FUT9: variants seen among roughly 807,000 people sequenced by gnomAD.
FUT9 encodes fucosyltransferase 9.
In FUT9, 15 loss-of-function variants were observed where a neutral mutation model predicts 29.7. That is an observed-to-expected ratio of 0.51 (90% CI 0.34 to 0.78). The LOEUF (loss-of-function observed/expected upper bound fraction) is 0.78. Ranked by LOEUF, FUT9 falls within the 30% of genes least tolerant of loss-of-function variation. The pLI is 0.01. For synonymous variants in FUT9, 169 were observed against 153.7 expected (o/e 1.10, Z -0.74); for missense variants, 319 against 425.4 (o/e 0.75, Z 2.20).
chr6:96,094,721 CAT>C (rs1203016023), intron 1 of FUT9, among the ~76,000 whole-genome samples: 1 of 152,062 alleles, frequency 6.6e-6, no homozygotes, highest in Non-Finnish European at 1.5e-5. Context: ...CTTCTAAAAA[CAT>C]ACCTGAATAG....
chr6:96,212,689 G>C lies in FUT9; in HGVS notation c.*8454G>C, dbSNP rs1173157848. 4.7e-6 allele frequency: 1 copy of C among 212,694 alleles called. No individual in the cohort carries two copies. The highest frequency in any genetic ancestry group is 1.0e-5 in the Non-Finnish European group (1 of 99,254). 13.2% of individuals were successfully genotyped at this position (212,694 alleles called of 1,614,324 possible). A position where few individuals can be genotyped will look rare whatever the true frequency, so the allele number is the denominator to read the frequency against. Reference sequence around the variant, plus strand: ...GAAATGCAACTGGTCAAAATTACTTGAATGAAATTGTTGAGGTTAAACATC... The same window carrying C: ...GAAATGCAACTGGTCAAAATTACTTCAATGAAATTGTTGAGGTTAAACATC... On this transcript the variant is annotated 3_prime_UTR_variant, in exon 3 of 3. Transcript: ENST00000302103.
chr6:96,160,749 G>T (rs1772882562), intron 2 of FUT9, among the ~76,000 whole-genome samples: 1 of 152,082 alleles, frequency 6.6e-6, no homozygotes, highest in Non-Finnish European at 1.5e-5. Context: ...AAATGAAAAT[G>T]CAGATCTATG....
chr6:96,182,570 C>T (rs1773328479), intron 2 of FUT9, among the ~76,000 whole-genome samples: 1 of 151,942 alleles, frequency 6.6e-6, no homozygotes, highest in East Asian at 1.9e-4. Flanking sequence ...GATTTAAGTC[C>T]TTGATCCATC....
intron 1 of FUT9, among the ~76,000 whole-genome samples, chr6:96,036,473 C>T (rs1333239828): frequency 2.6e-5 from 4 of 151,814 alleles, no homozygotes; most frequent in African/African-American, 7.3e-5. Flanking sequence ...AAGTAATTCA[C>T]ATAAATGACT....
At chr6:96,102,088 A>G (rs534899516) in intron 1 of FUT9, among the ~76,000 whole-genome samples, 2 of 152,224 alleles carry the variant, frequency 1.3e-5, no homozygotes, top group South Asian at 2.1e-4. Flanking sequence ...AACTTTCCTG[A>G]TTTGTCATGA....
chr6:96,053,444 C>T (rs1770708280), intron 1 of FUT9, among the ~76,000 whole-genome samples: 1 of 152,192 alleles, frequency 6.6e-6, no homozygotes, highest in African/African-American at 2.4e-5. Flanking sequence ...TGCAGTGGCT[C>T]ATGCCTGTAA....
At chr6:96,131,064 CCA>C (rs1429005754) in intron 2 of FUT9, among the ~76,000 whole-genome samples, 1 of 151,966 alleles carries the variant, frequency 6.6e-6, no homozygotes, top group Admixed American at 6.6e-5. Context: ...TGTGCAGGAC[CCA>C]CTACCTGGCT....
At chr6:96,133,523 C>T (rs1037796613) in intron 2 of FUT9, among the ~76,000 whole-genome samples, 1 of 151,968 alleles carries the variant, frequency 6.6e-6, no homozygotes, top group East Asian at 1.9e-4. Context: ...GGTTAGGGAA[C>T]CCTGACCAAA....
intron 1 of FUT9, among the ~76,000 whole-genome samples, chr6:96,086,214 C>A (rs189853153): frequency 4.6e-5 from 7 of 152,302 alleles, no homozygotes; most frequent in South Asian, 4.1e-4. Flanking sequence ...ATTGCCAACA[C>A]TTTGTGTTTT....
At chr6:96,019,268 T>C (rs1474086917) in intron 1 of FUT9, among the ~76,000 whole-genome samples, 1 of 151,994 alleles carries the variant, frequency 6.6e-6, no homozygotes, top group African/African-American at 2.4e-5. Flanking sequence ...ATTTAGTGTC[T>C]TATGAAGGCA....
At chr6:96,152,200 T>A (rs1233236329) in intron 2 of FUT9, among the ~76,000 whole-genome samples, 1 of 152,238 alleles carries the variant, frequency 6.6e-6, no homozygotes, top group African/African-American at 2.4e-5. Flanking sequence ...CATATCTTAC[T>A]CTGTCATAGT....
intron 2 of FUT9, among the ~76,000 whole-genome samples, chr6:96,130,222 A>T (rs1222844898): frequency 6.6e-6 from 1 of 152,098 alleles, no homozygotes; most frequent in Non-Finnish European, 1.5e-5. Context: ...TTTAAAAATA[A>T]ATTTAAGAAA....
intron 1 of FUT9, among the ~76,000 whole-genome samples, chr6:96,084,496 A>G (rs1771285777): frequency 1.3e-5 from 2 of 152,124 alleles, no homozygotes; most frequent in Non-Finnish European, 2.9e-5. Context: ...TAGAGCTTAA[A>G]TGACTTACCT....
chr6:96,044,321 C>A (rs1056012217), intron 1 of FUT9, among the ~76,000 whole-genome samples: 1 of 152,138 alleles, frequency 6.6e-6, no homozygotes, highest in Non-Finnish European at 1.5e-5. Context: ...AGAATTTAAT[C>A]ATTTAACTTT....
intron 2 of FUT9, among the ~76,000 whole-genome samples, chr6:96,160,358 T>C (rs1772873782): frequency 6.6e-6 from 1 of 152,182 alleles, no homozygotes; most frequent in Non-Finnish European, 1.5e-5. Flanking sequence ...ACCACAGTTA[T>C]GCTGCCCGAG....
intron 2 of FUT9, among the ~76,000 whole-genome samples, chr6:96,148,195 T>C (rs1772608775): frequency 1.3e-5 from 2 of 152,176 alleles, no homozygotes; most frequent in Admixed American, 6.6e-5. Context: ...ATCACTAAGC[T>C]TGGAATGTAA....
intron 2 of FUT9, among the ~76,000 whole-genome samples, chr6:96,141,070 A>G (rs1772453283): frequency 6.6e-6 from 1 of 152,128 alleles, no homozygotes; most frequent in African/African-American, 2.4e-5. Flanking sequence ...GATTGTTTTC[A>G]TTTCTTTGAC....
intron 2 of FUT9, among the ~76,000 whole-genome samples, chr6:96,147,737 G>A (rs1327261350): frequency 6.6e-6 from 1 of 151,524 alleles, no homozygotes; most frequent in Non-Finnish European, 1.5e-5. Context: ...GACCCTAGGA[G>A]TTTTTCAAAA....
chr6:96,100,680 G>T (rs774037431), intron 1 of FUT9, among the ~76,000 whole-genome samples: 9 of 152,176 alleles, frequency 5.9e-5, no homozygotes, highest in Non-Finnish European at 1.0e-4. Context: ...AAGTGAAGAC[G>T]CAGGTTAGAA....
Sources: gnomAD v4.1 joint callset for allele counts (sites outside exome capture counted in the v4.1 genomes callset) on GRCh38, gnomAD v4.1.1 for gene constraint, MANE v1.5 for transcripts, NCBI Gene and HGNC (gene_info 2026-07-23, HGNC 2026-07-21) for gene names.